Variants in DHRS7B observed in about 807,000 individuals in gnomAD.
DHRS7B encodes the protein peroxisomal reductase activating PPAR-gamma.
Under a neutral mutation model 26.4 loss-of-function variants are expected in DHRS7B, and 24 were observed. The observed-to-expected ratio is 0.91, with a 90% CI of 0.66 to 1.28. The LOEUF (loss-of-function observed/expected upper bound fraction) is 1.28, where lower values mean the gene tolerates loss of function less well. Ranked by LOEUF, DHRS7B falls within the 50% of genes most tolerant of loss-of-function variation. The pLI is 0.00. For synonymous variants in DHRS7B, 142 were observed against 166.4 expected, an observed-to-expected ratio of 0.85 and a Z score of 1.13; for missense variants, 368 against 419.4, an observed-to-expected ratio of 0.88 and a Z score of 1.07.
chr17:21,166,131 C>G (rs929855866), intron 1 of DHRS7B: 1 of 985,286 alleles, frequency 1.0e-6, no homozygotes, highest in Non-Finnish European at 1.2e-6. Context: ...TCTCCGCCCC[C>G]CCTCACAGGA....
At chr17:21,176,316 T>C (rs1324788095) in intron 2 of DHRS7B, among the ~76,000 whole-genome samples, 2 of 151,888 alleles carry the variant, frequency 1.3e-5, no homozygotes, top group African/African-American at 2.4e-5. Context: ...AGTTCAGAAA[T>C]ATGGCCAGGC....
At chr17:21,152,623 A>G (rs1355895892) in intron 1 of DHRS7B, among the ~76,000 whole-genome samples, 3 of 151,782 alleles carry the variant, frequency 2.0e-5, no homozygotes, top group East Asian at 3.9e-4. Flanking sequence ...CTTCCAGCAG[A>G]GGGAGGGGAA....
At chr17:21,128,629 G>C (rs1045524151) in intron 1 of DHRS7B, 1 of 151,732 alleles carries the variant, frequency 6.6e-6, no homozygotes, top group Non-Finnish European at 1.5e-5. Context: ...GCTCCGGATG[G>C]CGGAGCTTGC....
chr17:21,175,094 A>G (rs1386706929), intron 2 of DHRS7B, among the ~76,000 whole-genome samples: 3 of 152,150 alleles, frequency 2.0e-5, no homozygotes, highest in African/African-American at 7.2e-5. Context: ...TCTTTCCCGA[A>G]GACTGTCGGG....
chr17:21,138,310 G>T (rs759629420), intron 1 of DHRS7B, among the ~76,000 whole-genome samples: 1 of 130,616 alleles, frequency 7.7e-6, no homozygotes, highest in Non-Finnish European at 1.6e-5. Context: ...TCCAAGCTCC[G>T]CCTCCCGGGT....
chr17:21,166,212 G>A, intron 1 of DHRS7B: 1 of 985,480 alleles, frequency 1.0e-6, no homozygotes. Context: ...CTCTTCCCAG[G>A]ATTGAACACT....
intron 1 of DHRS7B, chr17:21,128,762 C>CTA (rs1185410486): frequency 6.7e-6 from 1 of 150,208 alleles, no homozygotes; most frequent in Non-Finnish European, 1.5e-5. Flanking sequence ...CCCAGCTACT[C>CTA]GGGAGGCTTT....
chr17:21,184,183 C>T (rs909808695), intron 4 of DHRS7B, among the ~76,000 whole-genome samples, 188 bp from the exon 5 acceptor site: 13 of 152,206 alleles, frequency 8.5e-5, no homozygotes, highest in Admixed American at 7.9e-4. Flanking sequence ...TCTCCTCTCT[C>T]CTGCTGGCCT....
At chr17:21,139,223 C>CCAT (rs1973434940) in intron 1 of DHRS7B, among the ~76,000 whole-genome samples, 1 of 152,162 alleles carries the variant, frequency 6.6e-6, no homozygotes, top group Non-Finnish European at 1.5e-5. Context: ...GGTAATTTTA[C>CCAT]CATATTTAAG....
intron 5 of DHRS7B, among the ~76,000 whole-genome samples, chr17:21,187,487 G>A (rs970690919): frequency 9.2e-5 from 14 of 151,860 alleles, no homozygotes; most frequent in South Asian, 4.2e-4. Context: ...GTAGCCGGGC[G>A]TGGTGGCGGG....
intron 6 of DHRS7B, among the ~76,000 whole-genome samples, chr17:21,190,608 C>T (rs770554427): frequency 6.6e-6 from 1 of 152,196 alleles, no homozygotes; most frequent in Non-Finnish European, 1.5e-5. Context: ...CACTCTGAAG[C>T]CCCCACCCCG....
At chr17:21,149,184 G>A (rs1476639500) in intron 1 of DHRS7B, among the ~76,000 whole-genome samples, 1 of 151,788 alleles carries the variant, frequency 6.6e-6, no homozygotes, top group African/African-American at 2.4e-5. Flanking sequence ...ATACAGGCCA[G>A]GGAGGTATGG....
intron 1 of DHRS7B, among the ~76,000 whole-genome samples, chr17:21,133,442 C>T (rs143404380): frequency 1.3e-5 from 2 of 152,186 alleles, no homozygotes; most frequent in African/African-American, 4.8e-5. Context: ...TTCCAGGTCA[C>T]AGATAGGTGA....
intron 5 of DHRS7B, among the ~76,000 whole-genome samples, chr17:21,184,921 T>C (rs1198835522): frequency 6.6e-6 from 1 of 152,250 alleles, no homozygotes; most frequent in Non-Finnish European, 1.5e-5. Context: ...ATTATTCATA[T>C]TGCTTTGTGG....
At chr17:21,179,797 A>G (rs996241104) in intron 3 of DHRS7B, among the ~76,000 whole-genome samples, 5 of 135,596 alleles carry the variant, frequency 3.7e-5, no homozygotes, top group Admixed American at 3.1e-4. Context: ...ATGGAGTTTC[A>G]CTCTTGTTGC....
At chr17:21,181,712 G>A (rs1051599809) in intron 3 of DHRS7B, among the ~76,000 whole-genome samples, 2 of 152,156 alleles carry the variant, frequency 1.3e-5, no homozygotes, top group African/African-American at 2.4e-5. Flanking sequence ...AACTGCTACT[G>A]TAAATAGAAT....
intron 1 of DHRS7B, among the ~76,000 whole-genome samples, chr17:21,160,480 T>C (rs964203797): frequency 2.6e-5 from 4 of 152,234 alleles, no homozygotes; most frequent in African/African-American, 9.6e-5. Context: ...AAAGATGCTC[T>C]GCATCATATT....
intron 1 of DHRS7B, among the ~76,000 whole-genome samples, chr17:21,140,538 A>ACACC (rs972677956): frequency 0.011 from 1,504 of 134,784 alleles, 40 homozygotes; most frequent in Middle Eastern, 0.02. Flanking sequence ...ACACACACAC[A>ACACC]CCCTGACACC....
intron 1 of DHRS7B, among the ~76,000 whole-genome samples, chr17:21,132,203 A>G (rs1973244193): frequency 6.6e-6 from 1 of 152,000 alleles, no homozygotes; most frequent in South Asian, 2.1e-4. Context: ...CATACAGAAA[A>G]TGGAAGTGAG....
Sources: allele counts gnomAD v4.1 joint callset (sites outside exome capture counted in the v4.1 genomes callset), GRCh38; gene constraint gnomAD v4.1.1; transcripts MANE v1.5; gene names NCBI Gene and HGNC (gene_info 2026-07-23, HGNC 2026-07-21).